TRPS1: variants seen among roughly 807,000 people sequenced by gnomAD.
TRPS1 encodes zinc finger transcription factor Trps1.
Under a neutral mutation model 101.2 loss-of-function variants are expected in TRPS1, and 6 were observed. That is an observed-to-expected ratio of 0.06 (90% confidence interval 0.03 to 0.12). TRPS1 has a LOEUF of 0.12. Ranked by LOEUF, TRPS1 falls within the 10% of genes least tolerant of loss-of-function variation. The pLI, the probability that TRPS1 is intolerant of heterozygous loss-of-function variation, is 1.00. For synonymous variants in TRPS1, 578 were observed against 589.8 expected (o/e 0.98, Z 0.29); for missense variants, 1,363 against 1,567.0 (o/e 0.87, Z 2.20).
intron 5 of TRPS1, among the ~76,000 whole-genome samples, chr8:115,522,634 T>A (rs1181731624): frequency 6.6e-6 from 1 of 152,008 alleles, no homozygotes; most frequent in Non-Finnish European, 1.5e-5. Flanking sequence ...ATGTGTGAAA[T>A]TTTGGTAAGT....
At chr8:115,620,119 T>A in intron 2 of TRPS1, 59 bp from the exon 3 acceptor site, 1 of 1,538,164 alleles carries the variant, frequency 6.5e-7, no homozygotes, top group Non-Finnish European at 8.9e-7. Context: ...AGAGATACAG[T>A]TGAATCTGGA....
rs1308593261 is a variant in TRPS1, at chr8:115,411,411, C to A, written c.*2612G>T. On this transcript the variant is annotated 3_prime_UTR_variant, in exon 7 of 7. Coordinates refer to ENST00000395715, the MANE Select transcript of TRPS1 (RefSeq NM_014112.5). ...CAAAAAGTAATACTTGTCATATTGC[C>A]CAAGTTAACCAAACTTCTGGTGTTT... 6.6e-6 allele frequency: 1 copy of A among 152,234 alleles called. No homozygotes were observed. The highest frequency in any genetic ancestry group is 2.4e-5 in the African/African-American group (1 of 41,404). The allele number at this position is 152,234 out of a possible 1,614,324, so 9.4% of individuals were successfully genotyped here.
intron 1 of TRPS1, among the ~76,000 whole-genome samples, chr8:115,655,315 T>C (rs1182358793): frequency 1.3e-5 from 2 of 152,192 alleles, no homozygotes; most frequent in African/African-American, 2.4e-5. Context: ...GGCCAAGGTC[T>C]ATTTCTCCAT....
At chr8:115,650,718 C>T (rs566257746) in intron 1 of TRPS1, among the ~76,000 whole-genome samples, 40 of 152,278 alleles carry the variant, frequency 2.6e-4, no homozygotes, top group East Asian at 3.9e-4. Context: ...ACATGAAAAA[C>T]GTCTCAGCAG....
intron 5 of TRPS1, among the ~76,000 whole-genome samples, chr8:115,479,820 C>T (rs939948480): frequency 4.6e-5 from 7 of 152,068 alleles, no homozygotes; most frequent in Non-Finnish European, 7.4e-5. Flanking sequence ...GACAACATGA[C>T]GTAAACCTCA....
chr8:115,540,707 C>G (rs957585254), intron 5 of TRPS1, among the ~76,000 whole-genome samples: 10 of 151,688 alleles, frequency 6.6e-5, no homozygotes, highest in Non-Finnish European at 1.5e-4. Flanking sequence ...AAAATACATA[C>G]TTTGGCTAAA....
At chr8:115,667,173 C>T (rs1349678876) in intron 1 of TRPS1, among the ~76,000 whole-genome samples, 1 of 152,100 alleles carries the variant, frequency 6.6e-6, no homozygotes, top group Non-Finnish European at 1.5e-5. Context: ...CCTCTGAAAC[C>T]CACCAGTCCT....
intron 5 of TRPS1, among the ~76,000 whole-genome samples, chr8:115,550,959 C>T (rs146047791): frequency 4.6e-5 from 7 of 152,214 alleles, no homozygotes; most frequent in Non-Finnish European, 8.8e-5. Context: ...TCAGGAAGGG[C>T]CTCTTCAAAG....
rs1168329295 is a variant in TRPS1 at position 115,604,955 on chromosome 8, A to G, written c.1014T>C (p.Asp338=). The G allele has an allele frequency of 6.2e-7, 1 of 1,613,994 alleles. No individual in the cohort carries two copies. Among genetic ancestry groups the G allele is most frequent in the Admixed American group, 1.7e-5 (1 of 59,984 alleles). Residue 338 remains aspartate, a synonymous_variant, in exon 4 of 7, where the codon GAT becomes GAC. Transcript: ENST00000395715. This position sits in a 1 kb window ranked among gnomAD's most constrained non-coding sequence, Gnocchi z 4.1. ...TFIGIGRKTP[D]CQGNTKYFRC... Reference sequence around the variant, plus strand: ...GGAAATACTTGGTGTTCCCTTGGCAATCTGGTGTTTTCCGTCCAATGCCAA... The same window carrying G: ...GGAAATACTTGGTGTTCCCTTGGCAGTCTGGTGTTTTCCGTCCAATGCCAA...
In TRPS1 at chr8:115,577,743, A is replaced by G. The variant is rs1009720119; in HGVS notation, c.2700+9258T>C. The stretch of plus-strand genomic sequence containing the variant: ...AAAATACTTAACGGAATCAATGTGC[A>G]TTTAATATATTTCAGCAAAAAAATA... On this transcript the variant is annotated intron_variant, in intron 5 of 6. Transcript: ENST00000395715. Among the ~76,000 whole-genome samples, 40 of 152,224 alleles carry G rather than the reference A, an allele frequency of 2.6e-4. 1 individual carries two copies. Among genetic ancestry groups the G allele is most frequent in the African/African-American group, 9.2e-4 (38 of 41,464 alleles).
chr8:115,476,929 C>T (rs1043207773), intron 5 of TRPS1, among the ~76,000 whole-genome samples: 2 of 152,144 alleles, frequency 1.3e-5, no homozygotes, highest in South Asian at 2.1e-4. Context: ...CTATCTCCTT[C>T]GTATGTCTGC....
intron 1 of TRPS1, among the ~76,000 whole-genome samples, chr8:115,666,489 C>G (rs1381099515): frequency 6.6e-6 from 1 of 152,006 alleles, no homozygotes; most frequent in Non-Finnish European, 1.5e-5. Flanking sequence ...CTGAGAGAGC[C>G]TTCTAAGCAA....
chr8:115,461,278 TAGATAGATAGATAGATAGATAG>T (rs1563747707), intron 5 of TRPS1, among the ~76,000 whole-genome samples: 266 of 119,648 alleles, frequency 2.2e-3, no homozygotes, highest in Middle Eastern at 3.9e-3. Context: ...GATAGATAGA[TAGATAGATAGATAGATAGATAG>T]ACAGATACAT....
In TRPS1 at chr8:115,409,963, A is replaced by G. The variant is rs1283391844; in HGVS notation, c.*4060T>C. On this transcript the variant is annotated 3_prime_UTR_variant, in exon 7 of 7. Coordinates refer to ENST00000395715, the MANE Select transcript of TRPS1 (RefSeq NM_014112.5). Reference sequence around the variant, plus strand: ...GGCTCTCAAACCAAAGACAGTAGCTAAAGTTGACCTCCTCTCAACTTAAGG... The same window carrying G: ...GGCTCTCAAACCAAAGACAGTAGCTGAAGTTGACCTCCTCTCAACTTAAGG... The G allele has an allele frequency of 4.1e-5, 6 of 148,068 alleles. No homozygotes were observed. The highest frequency in any genetic ancestry group is 1.4e-4 in the Admixed American group (2 of 14,684). 9.2% of individuals were successfully genotyped at this position (148,068 alleles called of 1,614,324 possible).
intron 5 of TRPS1, among the ~76,000 whole-genome samples, chr8:115,494,281 A>G (rs1815097919): frequency 6.6e-6 from 1 of 152,238 alleles, no homozygotes; most frequent in South Asian, 2.1e-4. Flanking sequence ...TGTTTTCTTA[A>G]TACTTTGTTT....
At chr8:115,591,028 C>T (rs1032612402) in intron 4 of TRPS1, among the ~76,000 whole-genome samples, 1 of 151,772 alleles carries the variant, frequency 6.6e-6, no homozygotes, top group Non-Finnish European at 1.5e-5. Context: ...GGACATGGCC[C>T]AGTAGAATAT....
intron 5 of TRPS1, among the ~76,000 whole-genome samples, chr8:115,498,046 A>G (rs1815193894): frequency 6.6e-6 from 1 of 152,130 alleles, no homozygotes; most frequent in South Asian, 2.1e-4. Context: ...TAGGCAGAAC[A>G]ATGGGCACTA....
chr8:115,549,782 CTATT>C (rs1306340499), intron 5 of TRPS1, among the ~76,000 whole-genome samples: 4 of 151,908 alleles, frequency 2.6e-5, no homozygotes, highest in African/African-American at 7.3e-5. Context: ...ACTCAAGAAT[CTATT>C]TGTTTTGGGG....
chr8:115,606,115 G>A lies in TRPS1; in HGVS notation c.967-1113C>T, dbSNP rs369781248. ...CCTTCTTCAACAGCTGTTCAAAAAT[G>A]ACACGTGTGATCGCTGTTCATATCC... On this transcript the variant is annotated intron_variant, in intron 3 of 6. Transcript: ENST00000395715. 8.0e-4 allele frequency among the ~76,000 whole-genome samples: 122 copies of A among 152,262 alleles called. 3 individuals are homozygous for A. In the South Asian group the frequency reaches 0.022, roughly 28 times the overall value.
Sources: allele counts gnomAD v4.1 joint callset (sites outside exome capture counted in the v4.1 genomes callset), GRCh38; gene constraint gnomAD v4.1.1; non-coding constraint Gnocchi (gnomAD v3.1); transcripts MANE v1.5; gene names NCBI Gene and HGNC (gene_info 2026-07-23, HGNC 2026-07-21).